LRRC53: variants seen among roughly 807,000 people sequenced by gnomAD.
The protein encoded by LRRC53 is leucine-rich repeat-containing protein 53.
A neutral mutation model predicts 13.6 loss-of-function variants in LRRC53; 25 were observed. That is an observed-to-expected ratio of 1.83 (90% CI 1.34 to 2.56). The LOEUF is 2.56. LRRC53 is among the 30% of genes most tolerant of loss of function. The probability of loss-of-function intolerance (pLI) is 0.00; values close to 1 mark genes in which losing one functional copy is unlikely to be tolerated. For synonymous variants in LRRC53, 204 were observed against 109.8 expected (o/e 1.86, Z -5.37); for missense variants, 527 against 275.8 (o/e 1.91, Z -6.45).
chr1:74,522,148 G>A, the LRRC53 span, among the ~76,000 whole-genome samples: 1 of 152,248 alleles, frequency 6.6e-6, no homozygotes, highest in Admixed American at 6.5e-5. Flanking sequence ...GGCACTATTG[G>A]AAACTTAATA....
At chr1:74,497,162 G>A (rs771896475) in intron 1 of LRRC53, among the ~76,000 whole-genome samples, 2 of 152,060 alleles carry the variant, frequency 1.3e-5, no homozygotes, top group Non-Finnish European at 2.9e-5. Context: ...GTTTTTCTGG[G>A]TTACAACAAT....
intron 1 of LRRC53, among the ~76,000 whole-genome samples, chr1:74,489,625 A>G (rs1392752705): frequency 6.6e-6 from 1 of 152,240 alleles, no homozygotes; most frequent in African/African-American, 2.4e-5. Flanking sequence ...TTTACATTCA[A>G]TGCGAAAAGA....
chr1:74,495,764 A>G (rs1321745159), intron 1 of LRRC53, among the ~76,000 whole-genome samples: 1 of 152,110 alleles, frequency 6.6e-6, no homozygotes, highest in African/African-American at 2.4e-5. Flanking sequence ...GGCATAGGAG[A>G]TGCATGTTCC....
intron 1 of LRRC53, among the ~76,000 whole-genome samples, chr1:74,498,188 A>G (rs1340798742): frequency 6.6e-6 from 1 of 152,206 alleles, no homozygotes; most frequent in African/African-American, 2.4e-5. Flanking sequence ...GTTCCCATAA[A>G]CACCCCATGT....
At chr1:74,536,669 A>G in the LRRC53 span, among the ~76,000 whole-genome samples, 1 of 152,128 alleles carries the variant, frequency 6.6e-6, no homozygotes, top group South Asian at 2.1e-4. Context: ...TACATCCACA[A>G]AATTACCCAT....
At chr1:74,515,481 T>C (rs963921511), upstream of LRRC53, among the ~76,000 whole-genome samples, 1 of 152,168 alleles carries the variant, frequency 6.6e-6, no homozygotes, top group Non-Finnish European at 1.5e-5. Flanking sequence ...GAAATGATAC[T>C]AGGAAAGGGT....
intron 2 of LRRC53, 106 bp downstream of exon 2, chr1:74,483,156 T>C (rs1351781545): frequency 1.6e-6 from 1 of 630,336 alleles, no homozygotes; most frequent in South Asian, 1.9e-5. Context: ...CATTAAAGGG[T>C]TACCTCTTAA....
At chr1:74,476,492 G>A (rs796132170) in intron 3 of LRRC53, among the ~76,000 whole-genome samples, 29 of 152,150 alleles carry the variant, frequency 1.9e-4, no homozygotes, top group African/African-American at 6.0e-4. Flanking sequence ...AGCACTGTGA[G>A]GCAACACATC....
the LRRC53 span, among the ~76,000 whole-genome samples, chr1:74,533,320 A>G: frequency 6.6e-6 from 1 of 152,236 alleles, no homozygotes; most frequent in Non-Finnish European, 1.5e-5. Context: ...AATGCTCACC[A>G]TCACTGGCCA....
intron 1 of LRRC53, among the ~76,000 whole-genome samples, chr1:74,495,721 C>T (rs1669294651): frequency 6.6e-6 from 1 of 152,162 alleles, no homozygotes; most frequent in African/African-American, 2.4e-5. Flanking sequence ...GGAATTCTCA[C>T]TCAGGACTCT....
intron 3 of LRRC53, among the ~76,000 whole-genome samples, chr1:74,477,088 T>C (rs896903005): frequency 6.6e-6 from 1 of 152,158 alleles, no homozygotes; most frequent in Non-Finnish European, 1.5e-5. Flanking sequence ...ATTATGTAAA[T>C]AATAATCCTT....
At chr1:74,508,653 GAA>G (rs1436374943) in intron 1 of LRRC53, among the ~76,000 whole-genome samples, 1 of 152,164 alleles carries the variant, frequency 6.6e-6, no homozygotes, top group Admixed American at 6.5e-5. Flanking sequence ...CACAAACTGA[GAA>G]AACCAACAGC....
chr1:74,525,179 G>A, the LRRC53 span, among the ~76,000 whole-genome samples: 2 of 151,954 alleles, frequency 1.3e-5, no homozygotes, highest in African/African-American at 2.4e-5. Context: ...AAGAGGGGAA[G>A]GAAAGAATGC....
chr1:74,512,987 C>G (rs1056286733), upstream of LRRC53, among the ~76,000 whole-genome samples: 3 of 152,202 alleles, frequency 2.0e-5, no homozygotes, highest in African/African-American at 7.2e-5. Flanking sequence ...TGCCCTTTCA[C>G]TAACATTCCT....
chr1:74,495,786 A>C (rs1195270626), intron 1 of LRRC53, among the ~76,000 whole-genome samples: 1 of 152,140 alleles, frequency 6.6e-6, no homozygotes, highest in Admixed American at 6.6e-5. Flanking sequence ...GAAGCTTGAA[A>C]TATTTTGCCA....
chr1:74,532,358 G>T, the LRRC53 span, among the ~76,000 whole-genome samples: 1 of 152,118 alleles, frequency 6.6e-6, no homozygotes, highest in Non-Finnish European at 1.5e-5. Flanking sequence ...ATCTTTATGT[G>T]CAAATAATCC....
chr1:74,490,050 TAAAAAAAAAAAAAAAAA>T (rs36063099), intron 1 of LRRC53, among the ~76,000 whole-genome samples: 1 of 42,892 alleles, frequency 2.3e-5, no homozygotes, highest in South Asian at 9.2e-4. Flanking sequence ...TTTTTTTTTC[TAAAAAAAAAAAAAAAAA>T]AAAAAAAAAC....
chr1:74,486,543 A>C (rs1570687037), intron 1 of LRRC53, among the ~76,000 whole-genome samples: 1 of 141,060 alleles, frequency 7.1e-6, no homozygotes, highest in African/African-American at 2.7e-5. Context: ...AGAAGGATGG[A>C]GTTTCCATTT....
At chr1:74,488,520 G>A (rs1029584964) in intron 1 of LRRC53, among the ~76,000 whole-genome samples, 8 of 152,198 alleles carry the variant, frequency 5.3e-5, no homozygotes, top group South Asian at 2.1e-4. Context: ...TTTCTCAGAA[G>A]AGGCCAACAT....
Sources: gnomAD v4.1 joint callset for allele counts (sites outside exome capture counted in the v4.1 genomes callset) on GRCh38, gnomAD v4.1.1 for gene constraint, MANE v1.5 for transcripts, NCBI Gene and HGNC (gene_info 2026-07-23, HGNC 2026-07-21) for gene names.